STK36: variants seen among roughly 807,000 people sequenced by gnomAD.
STK36 encodes serine/threonine kinase 36.
In STK36, 116 loss-of-function variants were observed where a neutral mutation model predicts 142.2. The ratio of observed to expected loss-of-function variants is 0.82; its 90% CI spans 0.70 to 0.95. STK36 has a LOEUF of 0.95. Ranked by LOEUF, STK36 falls within the 40% of genes least tolerant of loss-of-function variation. STK36 has a pLI of 0.00. For missense variants in STK36, 1,422 were observed against 1,617.2 expected (o/e 0.88, Z 2.07); for synonymous variants, 619 against 641.7 (o/e 0.96, Z 0.53).
chr2:218,672,105 G>GAGGC lies in STK36; in HGVS notation c.-197_-194dup, dbSNP rs1189949277. ...GTCCTTAGCCGGGCCTGATGGCCCT[G>GAGGC]AGGCAGTTCGGATGTGTCCCAGGAA... On this transcript the variant is annotated 5_prime_UTR_variant, in exon 1 of 27. An upstream open reading frame in the 5' UTR loses its in-frame stop. Coordinates refer to ENST00000295709, the MANE Select transcript of STK36 (RefSeq NM_015690.5). 2.8e-6 allele frequency: 3 copies of GAGGC among 1,068,986 alleles called. No individual in the cohort carries two copies. In the African/African-American group the frequency reaches 4.7e-5, roughly 17 times the overall value. The allele number at this position is 1,068,986 out of a possible 1,614,324, so 66.2% of individuals were successfully genotyped here.
intron 10 of STK36, among the ~76,000 whole-genome samples, chr2:218,681,169 C>G (rs551158179): frequency 6.6e-6 from 1 of 151,886 alleles, no homozygotes; most frequent in Admixed American, 6.6e-5. Flanking sequence ...ACCCTGTCGC[C>G]CAGGCTGGAT....
intron 11 of STK36, chr2:218,688,310 T>C (rs1477075686): frequency 2.2e-6 from 1 of 460,194 alleles, no homozygotes; most frequent in Non-Finnish European, 4.3e-6. Context: ...TTTGTCTTTC[T>C]GTGGTTAAAT....
intron 26 of STK36, among the ~76,000 whole-genome samples, chr2:218,700,857 CA>C (rs1941415181): frequency 6.7e-6 from 1 of 150,112 alleles, no homozygotes; most frequent in Admixed American, 6.6e-5. Flanking sequence ...ACTAAAAATA[CA>C]AAAATTAGCT....
At chr2:218,682,561 A>G (rs1393549611) in intron 10 of STK36, among the ~76,000 whole-genome samples, 2 of 152,150 alleles carry the variant, frequency 1.3e-5, no homozygotes, top group South Asian at 2.1e-4. Flanking sequence ...TTTCTGCTCC[A>G]TGATCCAATC....
Position 218,676,202 on chromosome 2 carries a change from C to T in STK36, c.608C>T (p.Thr203Ile), listed in dbSNP as rs1309982605. 1.9e-6 allele frequency: 3 copies of T among 1,614,092 alleles called. No homozygotes were observed. Among genetic ancestry groups the T allele is most frequent in the Admixed American group, 3.3e-5 (2 of 60,004 alleles). The change falls in exon 6 of 27, where the codon ACA becomes ATA. Residue 203 changes from threonine to isoleucine, a missense_variant. Thr to Ile is a moderately conservative substitution (Grantham distance 89). Coordinates refer to ENST00000295709, the MANE Select transcript of STK36 (RefSeq NM_015690.5). ...GTAGGCACCCCTCCCTTCTATGCTA[C>T]AAGCATCTTTCAGCTGGTCAGCCTC... ...LAVGTPPFYA[T>I]SIFQLVSLIL...
chr2:218,675,326 ACCT>A lies in STK36; in HGVS notation c.304-15_304-13del. Reference sequence around the variant, plus strand: ...TTCTAACCTTTTTTTTCTTTCTTCCACCTCTTTAATTTCTAGGTTCAGGCCATT... The same window carrying A: ...TTCTAACCTTTTTTTTCTTTCTTCCACTTTAATTTCTAGGTTCAGGCCATT... On this transcript the variant is annotated splice_polypyrimidine_tract_variant and intron_variant, in intron 4 of 26. Transcript: ENST00000295709. 2 of 1,590,042 alleles carry A rather than the reference ACCT, an allele frequency of 1.3e-6. No individual in the cohort carries two copies.
chr2:218,693,127 A>C, intron 16 of STK36, 113 bp from the exon 17 acceptor site: 1 of 873,860 alleles, frequency 1.1e-6, no homozygotes. Context: ...TTTCTGGTGA[A>C]TGTGGGAAGA....
At chr2:218,686,321 A>T (rs2465100) in intron 11 of STK36, among the ~76,000 whole-genome samples, 82,082 of 151,426 alleles carry the variant, frequency 0.54, 25,327 homozygotes, top group African/African-American at 0.85. Context: ...GTTGTAGCAC[A>T]ATCTTGGGTC....
chr2:218,694,188 A>G lies in STK36; in HGVS notation c.2337-76A>G. On this transcript the variant is annotated intron_variant, in intron 19 of 26. Coordinates refer to ENST00000295709, the MANE Select transcript of STK36 (RefSeq NM_015690.5). The surrounding 1 kb of genome is among the most constrained non-coding windows in gnomAD (Gnocchi z 4.4). ...ACATGCAGCCTAGGTGAAGAACACC[A>G]TGCAAGGGAGAGGGGAGGCCGCTTA... 3 of 1,317,426 alleles carry G rather than the reference A, an allele frequency of 2.3e-6. No individual in the cohort carries two copies. The highest frequency in any genetic ancestry group is 2.4e-5 in the South Asian group (2 of 84,714). The allele number at this position is 1,317,426 out of a possible 1,614,324, so 81.6% of individuals were successfully genotyped here.
At position 218,693,919 on chromosome 2, in the gene STK36, T is replaced by C. The variant is rs774863376; in HGVS notation, c.2272T>C (p.Ser758Pro). ...GKVKVVDWEE[S>P]TEVTLYFLSL... ...GGTAAAAGTAGTAGATTGGGAAGAG[T>C]CTACTGAAGTGACACTCTACTTCCT... The change falls in exon 19 of 27, where the codon TCT (serine) becomes CCT (proline). Residue 758 changes from serine to proline, a missense_variant. This residue lies in a region of STK36 where 962 missense variants were observed against 1,167.5 expected (regional missense o/e 0.82). Coordinates refer to ENST00000295709, the MANE Select transcript of STK36 (RefSeq NM_015690.5). 6.2e-7 allele frequency: 1 copy of C among 1,614,140 alleles called. No individual in the cohort carries two copies. Among genetic ancestry groups the C allele is most frequent in the Admixed American group, 1.7e-5 (1 of 60,018 alleles).
Position 218,698,586 on chromosome 2 carries a change from C to G in STK36, c.3058-16C>G, listed in dbSNP as rs1025715632. The G allele has an allele frequency of 6.2e-7, 1 of 1,609,582 alleles. No individual in the cohort carries two copies. Among genetic ancestry groups the G allele is most frequent in the Middle Eastern group, 1.7e-4 (1 of 6,044 alleles). On this transcript the variant is annotated splice_polypyrimidine_tract_variant and intron_variant, in intron 25 of 26. Transcript: ENST00000295709. Reference sequence around the variant, plus strand: ...CTCTCTCTCTCCCTGAATCCTTTTACCTCCTGTTCTCTCAGGTCTGCTGCT... The same window carrying G: ...CTCTCTCTCTCCCTGAATCCTTTTAGCTCCTGTTCTCTCAGGTCTGCTGCT...
intron 10 of STK36, among the ~76,000 whole-genome samples, chr2:218,682,035 C>G (rs555295076): frequency 6.6e-6 from 1 of 152,262 alleles, no homozygotes; most frequent in African/African-American, 2.4e-5. Flanking sequence ...TCAAGCGATT[C>G]TCCTGCCTCA....
chr2:218,678,332 G>A (rs530090309), intron 6 of STK36, among the ~76,000 whole-genome samples: 1 of 152,218 alleles, frequency 6.6e-6, no homozygotes, highest in Non-Finnish European at 1.5e-5. Flanking sequence ...AAACCTTATT[G>A]TAGCTTTGCT....
At chr2:218,678,282 G>A (rs934603068) in intron 6 of STK36, among the ~76,000 whole-genome samples, 1 of 152,078 alleles carries the variant, frequency 6.6e-6, no homozygotes, top group African/African-American at 2.4e-5. Context: ...CAAGATTATG[G>A]ATTTTCAATA....
At position 218,702,063 on chromosome 2, in the gene STK36, C is replaced by T. The variant is rs1941462632; in HGVS notation, c.*54C>T. 5 of 1,598,320 alleles carry T rather than the reference C, an allele frequency of 3.1e-6. No homozygotes were observed. The highest frequency in any genetic ancestry group is 1.7e-4 in the Middle Eastern group (1 of 5,734). ...CTTTGGTTGCCAGCTCTTTCTTATT[C>T]TACTACACAAGCCGCCAACTCAACT... On this transcript the variant is annotated 3_prime_UTR_variant, in exon 27 of 27. Transcript: ENST00000295709.
In STK36 at chr2:218,697,128, C is replaced by A; in HGVS notation, c.2676C>A (p.Pro892=). The A allele has an allele frequency of 6.2e-7, 1 of 1,614,114 alleles. No individual in the cohort carries two copies. The highest frequency in any genetic ancestry group is 1.7e-5 in the Admixed American group (1 of 60,018). The change falls in exon 23 of 27, where the codon CCC becomes CCA. Residue 892 remains proline (P), a synonymous_variant. Transcript: ENST00000295709. ...WHRFSMVLRL[P]EEASAQEGEL... ...GCTTCTCCATGGTCCTGAGGCTCCC[C>A]GAGGAGGCATCTGCACAGGAAGGGG...
intron 2 of STK36, 196 bp downstream of exon 2, chr2:218,673,109 A>G (rs1940063637): frequency 1.9e-6 from 1 of 524,484 alleles, no homozygotes; most frequent in African/African-American, 1.9e-5. Context: ...CTAGCCCTAG[A>G]ATTATGGACA....
intron 10 of STK36, among the ~76,000 whole-genome samples, chr2:218,682,554 C>T (rs1014748704): frequency 6.6e-6 from 1 of 151,964 alleles, no homozygotes; most frequent in East Asian, 1.9e-4. Flanking sequence ...AATTTTTTTT[C>T]TGCTCCATGA....
intron 15 of STK36, 72 bp from the exon 16 acceptor site, chr2:218,692,511 G>A (rs934676711): frequency 4.6e-6 from 7 of 1,538,032 alleles, no homozygotes; most frequent in Admixed American, 1.9e-5. Flanking sequence ...CTGCCATGTC[G>A]GTGAGTACTG....
Sources: gnomAD v4.1 joint callset for allele counts (sites outside exome capture counted in the v4.1 genomes callset) on GRCh38, gnomAD v4.1.1 for gene constraint, gnomAD v4.1.1 regional missense constraint, Gnocchi (gnomAD v3.1) non-coding constraint, MANE v1.5 for transcripts, NCBI Gene and HGNC (gene_info 2026-07-23, HGNC 2026-07-21) for gene names.